The following RBFOX1 variants were observed in gnomAD, a reference collection of about 807,000 sequenced individuals.
RBFOX1 encodes RNA binding fox-1 homolog 1, also known as RNA binding protein fox-1 homolog 1.
Under a neutral mutation model 57.7 loss-of-function variants are expected in RBFOX1, and 8 were observed. The ratio of observed to expected loss-of-function variants is 0.14; its 90% CI spans 0.08 to 0.25. The LOEUF (loss-of-function observed/expected upper bound fraction) is 0.25, where lower values mean the gene tolerates loss of function less well. RBFOX1 is among the 10% of genes least tolerant of loss of function. RBFOX1 has a pLI of 1.00. For synonymous variants in RBFOX1, 326 were observed against 222.4 expected, an observed-to-expected ratio of 1.47 and a Z score of -4.15; for missense variants, 611 against 548.5, an observed-to-expected ratio of 1.11 and a Z score of -1.14.
chr16:5,336,575 C>T (rs1180748936), intron 1 of RBFOX1, among the ~76,000 whole-genome samples: 1 of 152,196 alleles, frequency 6.6e-6, no homozygotes, highest in Non-Finnish European at 1.5e-5. Flanking sequence ...CCTGTATCCT[C>T]TGGAGTAGGT....
intron 2 of RBFOX1, among the ~76,000 whole-genome samples, chr16:5,472,801 G>C (rs2069182810): frequency 6.6e-6 from 1 of 152,270 alleles, no homozygotes; most frequent in South Asian, 2.1e-4. Context: ...AGCAGGATTT[G>C]CCATCTGATC....
At chr16:5,593,993 C>T (rs2047098717) in intron 2 of RBFOX1, among the ~76,000 whole-genome samples, 1 of 152,022 alleles carries the variant, frequency 6.6e-6, no homozygotes, top group South Asian at 2.1e-4. Context: ...CCCATCCTGC[C>T]CCCACACCTT....
At chr16:7,695,650 A>C (rs952525219) in intron 14 of RBFOX1, among the ~76,000 whole-genome samples, 1 of 2,064 alleles carries the variant, frequency 4.8e-4, no homozygotes, top group Non-Finnish European at 2.1e-3. Context: ...AGCCTCCATC[A>C]AAAAAAAAAA....
intron 3 of RBFOX1, among the ~76,000 whole-genome samples, chr16:6,756,811 A>T (rs1329505581): frequency 6.6e-6 from 1 of 151,978 alleles, no homozygotes; most frequent in Non-Finnish European, 1.5e-5. Context: ...ATCTCTACTA[A>T]AAATACAACA....
intron 12 of RBFOX1, among the ~76,000 whole-genome samples, chr16:7,655,761 A>G (rs2066149068): frequency 6.6e-6 from 1 of 152,214 alleles, no homozygotes; most frequent in Non-Finnish European, 1.5e-5. Context: ...GTTTTAGTAT[A>G]TCTACCATCA....
chr16:5,818,044 C>G (rs1041119358), intron 3 of RBFOX1, among the ~76,000 whole-genome samples: 2 of 152,142 alleles, frequency 1.3e-5, no homozygotes, highest in East Asian at 1.9e-4. Flanking sequence ...GCAGTAGGGT[C>G]TTTGAACAGT....
At chr16:6,827,651 C>T (rs1055112495) in intron 3 of RBFOX1, among the ~76,000 whole-genome samples, 3 of 152,176 alleles carry the variant, frequency 2.0e-5, no homozygotes, top group Non-Finnish European at 4.4e-5. Flanking sequence ...CTCCTTCCCC[C>T]TCCTCACCCT....
intron 4 of RBFOX1, among the ~76,000 whole-genome samples, chr16:6,013,187 C>T (rs764492129): frequency 6.6e-6 from 1 of 152,192 alleles, no homozygotes; most frequent in Non-Finnish European, 1.5e-5. Flanking sequence ...CTGTCCTACT[C>T]ATGAGCTCCG....
chr16:7,570,344 T>G (rs1180014466), intron 5 of RBFOX1, among the ~76,000 whole-genome samples: 2 of 152,196 alleles, frequency 1.3e-5, no homozygotes, highest in South Asian at 2.1e-4. Flanking sequence ...CTACAGTTCT[T>G]ATTTTATTTC....
intron 2 of RBFOX1, among the ~76,000 whole-genome samples, chr16:6,430,967 GAAAA>G (rs59044318): frequency 1.1e-5 from 1 of 90,506 alleles, no homozygotes; most frequent in Non-Finnish European, 2.2e-5. Flanking sequence ...CTCATCTCCA[GAAAA>G]AAAAAAAAAA....
At chr16:7,667,458 T>C (rs1038650058) in intron 13 of RBFOX1, among the ~76,000 whole-genome samples, 3 of 152,200 alleles carry the variant, frequency 2.0e-5, no homozygotes, top group African/African-American at 4.8e-5. Context: ...GATACCAGCA[T>C]GTTCTGATGA....
intron 3 of RBFOX1, among the ~76,000 whole-genome samples, chr16:5,653,940 C>T (rs1215767227): frequency 6.6e-6 from 1 of 152,178 alleles, no homozygotes; most frequent in Non-Finnish European, 1.5e-5. Flanking sequence ...TATTCTCCTT[C>T]TCACTTTGTG....
intron 2 of RBFOX1, among the ~76,000 whole-genome samples, chr16:6,377,299 A>G (rs1487410047): frequency 6.6e-6 from 1 of 151,526 alleles, no homozygotes; most frequent in Non-Finnish European, 1.5e-5. Flanking sequence ...AAGAAAAAGA[A>G]AAAAAAAGGT....
chr16:5,633,706 T>A (rs1043416279), intron 3 of RBFOX1, among the ~76,000 whole-genome samples: 90 of 152,162 alleles, frequency 5.9e-4, no homozygotes, highest in African/African-American at 2.2e-3. Flanking sequence ...AAACTCCGTC[T>A]CTTCTAAAAA....
intron 2 of RBFOX1, among the ~76,000 whole-genome samples, chr16:6,492,397 G>A (rs1036180739): frequency 3.9e-5 from 6 of 151,984 alleles, no homozygotes; most frequent in African/African-American, 1.2e-4. Flanking sequence ...GTGGAACCTC[G>A]TCTCTACTAA....
intron 4 of RBFOX1, among the ~76,000 whole-genome samples, chr16:7,345,879 C>T (rs2096990665): frequency 6.6e-6 from 1 of 151,984 alleles, no homozygotes. Context: ...GCACAACGTG[C>T]AGGTTTGTTA....
intron 2 of RBFOX1, among the ~76,000 whole-genome samples, chr16:5,491,117 C>A (rs1031892234): frequency 6.6e-6 from 1 of 152,186 alleles, no homozygotes; most frequent in African/African-American, 2.4e-5. Context: ...ACCGTCATAT[C>A]TGCAGTCTGT....
intron 4 of RBFOX1, among the ~76,000 whole-genome samples, chr16:7,057,162 C>A (rs1568576224): frequency 6.6e-6 from 1 of 152,174 alleles, no homozygotes; most frequent in Non-Finnish European, 1.5e-5. Flanking sequence ...CACATATCTA[C>A]TGCCACCAAA....
intron 1 of RBFOX1, among the ~76,000 whole-genome samples, chr16:6,141,178 G>A (rs11864914): frequency 0.072 from 11,034 of 152,216 alleles, 519 homozygotes; most frequent in African/African-American, 0.12. Context: ...CAGTACCTTA[G>A]CCCATCACCA....
Sources: allele counts gnomAD v4.1 joint callset (sites outside exome capture counted in the v4.1 genomes callset), GRCh38; gene constraint gnomAD v4.1.1; transcripts MANE v1.5; gene names NCBI Gene and HGNC (gene_info 2026-07-23, HGNC 2026-07-21).